NRXN1: variants seen among roughly 807,000 people sequenced by gnomAD.
NRXN1 encodes neurexin 1.
In NRXN1, 39 loss-of-function variants were observed where a neutral mutation model predicts 150.9. The ratio of observed to expected loss-of-function variants is 0.26; its 90% CI spans 0.20 to 0.34. NRXN1 has a LOEUF of 0.34. Ranked by LOEUF, NRXN1 falls within the 10% of genes least tolerant of loss-of-function variation. NRXN1 has a pLI of 1.00. For synonymous variants in NRXN1, 924 were observed against 757.0 expected (o/e 1.22, Z -3.62); for missense variants, 1,815 against 1,949.9 (o/e 0.93, Z 1.30).
At chr2:50,328,272 C>G (rs966080736) in intron 17 of NRXN1, among the ~76,000 whole-genome samples, 6 of 151,676 alleles carry the variant, frequency 4.0e-5, no homozygotes, top group Non-Finnish European at 7.4e-5. Context: ...TATGTGTGGC[C>G]CAAGACAATT....
intron 15 of NRXN1, among the ~76,000 whole-genome samples, chr2:50,478,547 C>T (rs1260259335): frequency 6.6e-6 from 1 of 151,762 alleles, no homozygotes; most frequent in Non-Finnish European, 1.5e-5. Flanking sequence ...TAAGTGGTCA[C>T]CAGCTTGATT....
intron 17 of NRXN1, among the ~76,000 whole-genome samples, chr2:50,361,652 C>T (rs2079200884): frequency 6.6e-6 from 1 of 152,094 alleles, no homozygotes; most frequent in Non-Finnish European, 1.5e-5. Context: ...GGATTCACAG[C>T]CTAATTCTAC....
chr2:50,127,939 T>G (rs937477533), intron 18 of NRXN1, among the ~76,000 whole-genome samples: 1 of 152,206 alleles, frequency 6.6e-6, no homozygotes, highest in Non-Finnish European at 1.5e-5. Flanking sequence ...TAAGCAAAAA[T>G]GAGCCTACTG....
intron 17 of NRXN1, among the ~76,000 whole-genome samples, chr2:50,250,226 C>A (rs962470583): frequency 6.6e-6 from 1 of 152,088 alleles, no homozygotes; most frequent in Admixed American, 6.6e-5. Flanking sequence ...TACAAACCAA[C>A]CCTGTACTTC....
At chr2:50,465,872 C>T (rs2088780056) in intron 16 of NRXN1, among the ~76,000 whole-genome samples, 1 of 151,800 alleles carries the variant, frequency 6.6e-6, no homozygotes, top group South Asian at 2.1e-4. Context: ...TTCTTTATCA[C>T]TATTTTGATT....
intron 2 of NRXN1, among the ~76,000 whole-genome samples, chr2:50,968,107 T>G (rs1694395445): frequency 6.6e-6 from 1 of 152,178 alleles, no homozygotes; most frequent in Admixed American, 6.6e-5. Context: ...ATAGGTAGAC[T>G]GGTGATTCTG....
chr2:50,801,535 A>G (rs938233390), intron 5 of NRXN1, among the ~76,000 whole-genome samples: 1 of 152,170 alleles, frequency 6.6e-6, no homozygotes, highest in African/African-American at 2.4e-5. Flanking sequence ...AAAGCATTCT[A>G]TGCTTCCACA....
At chr2:50,992,280 A>G (rs1306734960) in intron 2 of NRXN1, among the ~76,000 whole-genome samples, 1 of 152,046 alleles carries the variant, frequency 6.6e-6, no homozygotes, top group Non-Finnish European at 1.5e-5. Flanking sequence ...CCCACATTTT[A>G]TAGAAGACAA....
intron 17 of NRXN1, among the ~76,000 whole-genome samples, chr2:50,377,834 T>C (rs1265389282): frequency 6.6e-6 from 1 of 152,134 alleles, no homozygotes; most frequent in African/African-American, 2.4e-5. Context: ...AGTGGTTGAA[T>C]CCGAATATTT....
intron 19 of NRXN1, among the ~76,000 whole-genome samples, chr2:50,086,870 T>C (rs1018056203): frequency 1.3e-5 from 2 of 150,240 alleles, no homozygotes; most frequent in African/African-American, 2.5e-5. Context: ...AATGCGGGCA[T>C]GTCTCTCCTT....
intron 5 of NRXN1, among the ~76,000 whole-genome samples, chr2:50,626,787 C>A (rs952682372): frequency 4.6e-5 from 7 of 151,750 alleles, no homozygotes; most frequent in Non-Finnish European, 8.8e-5. Flanking sequence ...ATCAATAATA[C>A]CATAGAGTAA....
At chr2:50,907,010 G>A (rs1391628659) in intron 5 of NRXN1, among the ~76,000 whole-genome samples, 1 of 151,850 alleles carries the variant, frequency 6.6e-6, no homozygotes, top group East Asian at 1.9e-4. Context: ...GCAAGTCATA[G>A]CAACCAGAAT....
chr2:50,883,944 C>A (rs1450903254), intron 5 of NRXN1, among the ~76,000 whole-genome samples: 1 of 151,690 alleles, frequency 6.6e-6, no homozygotes, highest in Non-Finnish European at 1.5e-5. Flanking sequence ...AAGGGAGCAC[C>A]AGGATGGCAT....
intron 6 of NRXN1, among the ~76,000 whole-genome samples, chr2:50,622,584 G>A (rs1348302646): frequency 5.3e-5 from 8 of 152,112 alleles, no homozygotes; most frequent in East Asian, 3.9e-4. Flanking sequence ...CTGTAATCAC[G>A]TATTCATTAA....
At chr2:51,020,163 C>A (rs1219678935) in intron 2 of NRXN1, among the ~76,000 whole-genome samples, 1 of 151,698 alleles carries the variant, frequency 6.6e-6, no homozygotes, top group African/African-American at 2.4e-5. Context: ...CCATATCATG[C>A]CCAATGCTCC....
chr2:50,474,601 C>T (rs567191072), intron 15 of NRXN1, among the ~76,000 whole-genome samples: 1 of 144,294 alleles, frequency 6.9e-6, no homozygotes, highest in African/African-American at 2.6e-5. Context: ...TAACCTGAGA[C>T]CTTAGACAGT....
intron 18 of NRXN1, among the ~76,000 whole-genome samples, chr2:50,192,822 C>G (rs905929686): frequency 6.6e-6 from 1 of 152,170 alleles, no homozygotes; most frequent in African/African-American, 2.4e-5. Context: ...GTTGGCCAGA[C>G]TGGTCTCAAA....
At chr2:50,486,704 G>A (rs11125308) in intron 15 of NRXN1, among the ~76,000 whole-genome samples, 5,394 of 152,104 alleles carry the variant, frequency 0.035, 323 homozygotes, top group African/African-American at 0.12. Flanking sequence ...ACTTCCCACA[G>A]ACAGGTTAGG....
rs149322054 is a variant in NRXN1 at position 49,984,718 on chromosome 2, A to AACACACACACAC, written c.4129-40939_4129-40928dup. ...AGACAAAGTCCTTTGAGAACACACA[A>AACACACACACAC]ACACACACACACACACACACACACA... On this transcript the variant is annotated intron_variant, in intron 21 of 22. Coordinates refer to ENST00000401669, the MANE Select transcript of NRXN1 (RefSeq NM_001330078.2). Among the ~76,000 whole-genome samples, 830 of 146,942 alleles carry AACACACACACAC rather than the reference A, an allele frequency of 5.6e-3. 5 individuals carry two copies. Among genetic ancestry groups the AACACACACACAC allele is most frequent in the Middle Eastern group, 0.024 (7 of 290 alleles).
Sources: allele counts gnomAD v4.1 joint callset (sites outside exome capture counted in the v4.1 genomes callset), GRCh38; gene constraint gnomAD v4.1.1; transcripts MANE v1.5; gene names NCBI Gene and HGNC (gene_info 2026-07-23, HGNC 2026-07-21).